PACSIN1: variants seen among roughly 807,000 people sequenced by gnomAD.
PACSIN1 encodes protein kinase C and casein kinase substrate in neurons 1.
Under a neutral mutation model 59.5 loss-of-function variants are expected in PACSIN1, and 15 were observed. The observed-to-expected ratio is 0.25, with a 90% CI of 0.17 to 0.39. PACSIN1 has a LOEUF of 0.39. Among genes scored for constraint, PACSIN1 ranks in the 10% least tolerant of loss-of-function variants. The pLI is 1.00. For synonymous variants in PACSIN1, 210 were observed against 220.6 expected, an observed-to-expected ratio of 0.95 and a Z score of 0.42; for missense variants, 420 against 580.2, an observed-to-expected ratio of 0.72 and a Z score of 2.84.
Position 34,471,731 on chromosome 6 carries a change from C to T in PACSIN1, c.-64+5461C>T, listed in dbSNP as rs561893717. Among the ~76,000 whole-genome samples the T allele has an allele frequency of 2.8e-3, 429 of 152,298 alleles. 4 individuals carry two copies. Among genetic ancestry groups the T allele is most frequent in the African/African-American group, 9.8e-3 (406 of 41,562 alleles). ...GGTCACAGTTTTGACTTGGCAATTCCACTTTTTGGGACTTATTCCACAGGT... is the reference window on the plus strand; with the variant it reads ...GGTCACAGTTTTGACTTGGCAATTCTACTTTTTGGGACTTATTCCACAGGT... On this transcript the variant is annotated intron_variant, in intron 1 of 9. Transcript: ENST00000244458.
chr6:34,483,731 C>T lies in PACSIN1; in HGVS notation c.-64+17461C>T, dbSNP rs550137511. On this transcript the variant is annotated intron_variant, in intron 1 of 9. Transcript: ENST00000244458. ...TGCAATCTTGGCTCACTGCAACCTCCGCCTCCCGGGTTCACATGATTCTCC... is the reference window on the plus strand; with the variant it reads ...TGCAATCTTGGCTCACTGCAACCTCTGCCTCCCGGGTTCACATGATTCTCC... Among the ~76,000 whole-genome samples, 43 of 151,126 alleles carry T rather than the reference C, an allele frequency of 2.8e-4. No individual in the cohort carries two copies. The South Asian group carries it at 8.2e-3, about 29-fold the overall frequency.
Position 34,491,001 on chromosome 6 carries a change from G to C in PACSIN1, c.-64+24731G>C, listed in dbSNP as rs560774627. ...TCCTCTGCATAGTCTTCGAGCAGGGGGAGTGCTCGCCGGGGGTCACTTCTG... is the reference window on the plus strand; with the variant it reads ...TCCTCTGCATAGTCTTCGAGCAGGGCGAGTGCTCGCCGGGGGTCACTTCTG... On this transcript the variant is annotated intron_variant, in intron 1 of 9. Coordinates refer to ENST00000244458, the MANE Select transcript of PACSIN1 (RefSeq NM_020804.5). Among the ~76,000 whole-genome samples the C allele has an allele frequency of 1.9e-3, 292 of 152,072 alleles. 8 individuals carry two copies. Among genetic ancestry groups the C allele is most frequent in the Middle Eastern group, 6.8e-3 (2 of 294 alleles).
intron 1 of PACSIN1, among the ~76,000 whole-genome samples, chr6:34,513,506 C>T (rs1175013349): frequency 6.6e-6 from 1 of 152,134 alleles, no homozygotes; most frequent in East Asian, 1.9e-4. Flanking sequence ...CCCCAGTCCC[C>T]ACTCTGGTCT....
intron 1 of PACSIN1, among the ~76,000 whole-genome samples, chr6:34,519,453 A>G (rs1339649524): frequency 6.6e-6 from 1 of 152,164 alleles, no homozygotes; most frequent in Non-Finnish European, 1.5e-5. Flanking sequence ...AGAAAGCAAG[A>G]GGAAGCCAGG....
At chr6:34,504,114 G>C (rs962250646) in intron 1 of PACSIN1, among the ~76,000 whole-genome samples, 1 of 151,842 alleles carries the variant, frequency 6.6e-6, no homozygotes, top group Non-Finnish European at 1.5e-5. Context: ...CAGCCTGCTG[G>C]TGTCAGTGTT....
At chr6:34,526,464 C>A in intron 2 of PACSIN1, 96 bp downstream of exon 2, 1 of 990,730 alleles carries the variant, frequency 1.0e-6, no homozygotes, top group Non-Finnish European at 1.5e-6. Context: ...TCAGGCCCCA[C>A]TCCGCAGTCC....
chr6:34,468,417 C>G (rs1376567041), intron 1 of PACSIN1, among the ~76,000 whole-genome samples: 1 of 152,248 alleles, frequency 6.6e-6, no homozygotes, highest in Non-Finnish European at 1.5e-5. Context: ...AGTTGACATT[C>G]AGTCATTCAA....
intron 1 of PACSIN1, among the ~76,000 whole-genome samples, chr6:34,512,515 C>T (rs905991707): frequency 2.6e-5 from 4 of 152,188 alleles, no homozygotes; most frequent in African/African-American, 7.2e-5. Context: ...GGCCTCCTCA[C>T]TCTCTAGGAA....
Position 34,528,694 on chromosome 6 carries a change from A to G in PACSIN1, c.273A>G (p.Ala91=), listed in dbSNP as rs540470420. 6.8e-6 allele frequency: 11 copies of G among 1,614,078 alleles called. No homozygotes were observed. The highest frequency in any genetic ancestry group is 1.6e-4 in the Middle Eastern group (1 of 6,062). Residue 91 remains alanine (A), a synonymous_variant, in exon 4 of 10, where the codon GCA becomes GCG. Transcript: ENST00000244458. ...CCTGGGGTGCCATAATGACAGAGGC[A>G]GACAAGGTGAGCGAGCTGCACCAGG... ...ERAWGAIMTE[A]DKVSELHQEV...
intron 1 of PACSIN1, among the ~76,000 whole-genome samples, chr6:34,492,498 C>T (rs1345592209): frequency 1.3e-5 from 2 of 152,194 alleles, no homozygotes; most frequent in Non-Finnish European, 2.9e-5. Flanking sequence ...ATTCTCCTGC[C>T]TCAGCCTCCC....
Position 34,476,462 on chromosome 6 carries a change from C to T in PACSIN1, c.-64+10192C>T, listed in dbSNP as rs552104120. Among the ~76,000 whole-genome samples, 15 of 151,836 alleles carry T rather than the reference C, an allele frequency of 9.9e-5. No homozygotes were observed. In the South Asian group the frequency reaches 3.1e-3, roughly 32 times the overall value. On this transcript the variant is annotated intron_variant, in intron 1 of 9. Transcript: ENST00000244458. Reference sequence around the variant, plus strand: ...CCACCAGCAGGATATCTGGTGTCACCTCTATCATCAGCTCCATCGGACACT... The same window carrying T: ...CCACCAGCAGGATATCTGGTGTCACTTCTATCATCAGCTCCATCGGACACT...
At position 34,534,815 on chromosome 6, in the gene PACSIN1, G is replaced by C. The variant is rs1013714783; in HGVS notation, c.*2285G>C. The C allele has an allele frequency of 6.5e-6, 1 of 152,796 alleles. No individual in the cohort carries two copies. Among genetic ancestry groups the C allele is most frequent in the Non-Finnish European group, 1.5e-5 (1 of 68,146 alleles). The allele number at this position is 152,796 out of a possible 1,614,324, so 9.5% of individuals were successfully genotyped here. A position where few individuals can be genotyped will look rare whatever the true frequency, so the allele number is the denominator to read the frequency against. The stretch of plus-strand genomic sequence containing the variant: ...TACCTGGAAGTCCCCCTGAGCTCCA[G>C]GGCCCAGCCCTACCTGCCAGTGCTG... On this transcript the variant is annotated 3_prime_UTR_variant, in exon 10 of 10. Coordinates refer to ENST00000244458, the MANE Select transcript of PACSIN1 (RefSeq NM_020804.5).
intron 1 of PACSIN1, among the ~76,000 whole-genome samples, chr6:34,503,209 C>T (rs948796834): frequency 2.0e-5 from 3 of 148,026 alleles, no homozygotes; most frequent in African/African-American, 7.5e-5. Flanking sequence ...TTTAAGGCTG[C>T]AGTGAGCTAT....
rs372732742 is a variant in PACSIN1, at chr6:34,504,246, A to ATGTGTGTG, written c.-63-21979_-63-21972dup. Among the ~76,000 whole-genome samples, 446 of 107,810 alleles carry ATGTGTGTG rather than the reference A, an allele frequency of 4.1e-3. 5 individuals are homozygous for ATGTGTGTG. Among genetic ancestry groups the ATGTGTGTG allele is most frequent in the African/African-American group, 0.015 (418 of 27,278 alleles). The allele number at this position is 107,810 out of a possible 152,430, so 70.7% of individuals were successfully genotyped here. On this transcript the variant is annotated intron_variant, in intron 1 of 9. Transcript: ENST00000244458. Reference sequence around the variant, plus strand: ...TTTGAGAAGCACATCAGACAATGTTATGTGTGTGTGTGTGTGTGTGTGTGT... The same window carrying ATGTGTGTG: ...TTTGAGAAGCACATCAGACAATGTTATGTGTGTGTGTGTGTGTGTGTGTGTGTGTGTGT...
At chr6:34,506,663 C>T (rs1767120730) in intron 1 of PACSIN1, among the ~76,000 whole-genome samples, 2 of 152,154 alleles carry the variant, frequency 1.3e-5, no homozygotes, top group African/African-American at 4.8e-5. Flanking sequence ...CCTACTTGAC[C>T]TTGGTTGACA....
intron 1 of PACSIN1, among the ~76,000 whole-genome samples, chr6:34,504,246 ATG>A (rs372732742): frequency 0.41 from 43,863 of 106,484 alleles, 9,179 homozygotes; most frequent in African/African-American, 0.49. Context: ...AGACAATGTT[ATG>A]TGTGTGTGTG....
intron 1 of PACSIN1, among the ~76,000 whole-genome samples, chr6:34,498,640 A>T (rs1766980949): frequency 6.6e-6 from 1 of 151,874 alleles, no homozygotes. Context: ...TTGACTAAAT[A>T]CACAAAAAAA....
Position 34,532,093 on chromosome 6 carries a change from C to T in PACSIN1, c.1225+306C>T, listed in dbSNP as rs1193687923. ...GCCTGGGTTGTGGGCGTGACCTGGG[C>T]CCAGGATGGGAGTGGGGGCAAGATT... is the stretch of plus-strand genomic sequence containing the variant. On this transcript the variant is annotated intron_variant, in intron 9 of 9. Coordinates refer to ENST00000244458, the MANE Select transcript of PACSIN1 (RefSeq NM_020804.5). This position sits in a 1 kb window ranked among gnomAD's most constrained non-coding sequence, Gnocchi z 5.2. Among the ~76,000 whole-genome samples, 1 of 151,890 alleles carries T rather than the reference C, an allele frequency of 6.6e-6. No homozygotes were observed. The highest frequency in any genetic ancestry group is 1.5e-5 in the Non-Finnish European group (1 of 67,970).
At chr6:34,498,043 T>TTTTGTTTGTTTTG (rs1387585412) in intron 1 of PACSIN1, among the ~76,000 whole-genome samples, 6 of 150,132 alleles carry the variant, frequency 4.0e-5, no homozygotes, top group Admixed American at 1.3e-4. Flanking sequence ...TTTGCCTGTT[T>TTTTGTTTGTTTTG]TTTGTTTGTT....
Sources: gnomAD v4.1 joint callset for allele counts (sites outside exome capture counted in the v4.1 genomes callset) on GRCh38, gnomAD v4.1.1 for gene constraint, Gnocchi (gnomAD v3.1) non-coding constraint, MANE v1.5 for transcripts, NCBI Gene and HGNC (gene_info 2026-07-23, HGNC 2026-07-21) for gene names.